The following PTP4A3 variants were observed in gnomAD, a reference collection of about 807,000 sequenced individuals.
PTP4A3 encodes the protein protein tyrosine phosphatase 4A3.
Under a neutral mutation model 15.2 loss-of-function variants are expected in PTP4A3, and 9 were observed. The observed-to-expected ratio is 0.59, with a 90% confidence interval of 0.36 to 1.03. The LOEUF (loss-of-function observed/expected upper bound fraction) is 1.03, where lower values mean the gene tolerates loss of function less well. Among genes scored for constraint, PTP4A3 ranks in the 50% least tolerant of loss-of-function variants. PTP4A3 has a pLI of 0.02. For synonymous variants in PTP4A3, 95 were observed against 102.0 expected (o/e 0.93, Z 0.41); for missense variants, 234 against 252.1 (o/e 0.93, Z 0.49).
rs1163229763 is a variant in PTP4A3 at position 141,431,885 on chromosome 8, A to C, written c.*841A>C. On this transcript the variant is annotated 3_prime_UTR_variant, in exon 6 of 6. Transcript: ENST00000521578. ...GGTTGGTCCCTGTGCTGCCCAAACCAGGTGTCCACATTTCCGGCTCCGAGG... is the reference window on the plus strand; with the variant it reads ...GGTTGGTCCCTGTGCTGCCCAAACCCGGTGTCCACATTTCCGGCTCCGAGG... 6.6e-6 allele frequency: 1 copy of C among 152,358 alleles called. No homozygotes were observed. Among genetic ancestry groups the C allele is most frequent in the Non-Finnish European group, 1.5e-5 (1 of 68,124 alleles). 9.4% of individuals were successfully genotyped at this position (152,358 alleles called of 1,614,324 possible).
chr8:141,418,597 G>T (rs893377374), intron 1 of PTP4A3, among the ~76,000 whole-genome samples: 5 of 152,254 alleles, frequency 3.3e-5, no homozygotes, highest in Admixed American at 6.5e-5. Flanking sequence ...GGCTGAGCCA[G>T]ATCTTGGGAA....
intron 3 of PTP4A3, chr8:141,426,316 C>A: frequency 1.8e-6 from 1 of 543,748 alleles, no homozygotes; most frequent in Non-Finnish European, 2.3e-6. Flanking sequence ...CGATCTAGGG[C>A]GCTGGGGGAC....
At chr8:141,393,423 C>T (rs1832350255) in intron 1 of PTP4A3, among the ~76,000 whole-genome samples, 1 of 152,226 alleles carries the variant, frequency 6.6e-6, no homozygotes, top group South Asian at 2.1e-4. Flanking sequence ...AATTCCTGGG[C>T]TGTTTCCAAA....
In PTP4A3 at chr8:141,431,098, C is replaced by A. The variant is rs775234733; in HGVS notation, c.*54C>A. The A allele has an allele frequency of 2.6e-6, 4 of 1,554,710 alleles. No homozygotes were observed. The South Asian group carries it at 4.5e-5, about 17-fold the overall frequency. On this transcript the variant is annotated 3_prime_UTR_variant, in exon 6 of 6. Transcript: ENST00000521578. ...ATGTAGGTCAGGACCTTGGCTGGACCTGGAGGCCCTGCCCAGCCCTGCTCT... is the reference window on the plus strand; with the variant it reads ...ATGTAGGTCAGGACCTTGGCTGGACATGGAGGCCCTGCCCAGCCCTGCTCT...
At chr8:141,392,553 A>G (rs2129737579) in intron 1 of PTP4A3, 1 of 152,466 alleles carries the variant, frequency 6.6e-6, no homozygotes, top group South Asian at 2.1e-4. Flanking sequence ...AGTGGAGGTC[A>G]GGGGAAAGCA....
In PTP4A3 at chr8:141,406,946, G is replaced by C. The variant is rs6988504; in HGVS notation, c.-853-14442G>C. ...GCTCAGAAATCTTTCCTGTCCTCTA[G>C]GGCCCATCTCTGATGCCACCTTCAC... On this transcript the variant is annotated intron_variant, in intron 1 of 5. Coordinates refer to ENST00000521578, the MANE Select transcript of PTP4A3 (RefSeq NM_032611.3). The surrounding 1 kb of genome is among the most constrained non-coding windows in gnomAD (Gnocchi z 4.5). Among the ~76,000 whole-genome samples the C allele has an allele frequency of 1.3e-5, 2 of 152,106 alleles. No individual in the cohort carries two copies. The highest frequency in any genetic ancestry group is 3.9e-4 in the East Asian group (2 of 5,174).
At chr8:141,398,222 G>A (rs555843567) in intron 1 of PTP4A3, among the ~76,000 whole-genome samples, 567 of 152,324 alleles carry the variant, frequency 3.7e-3, no homozygotes, top group Non-Finnish European at 6.1e-3. Flanking sequence ...ACCCTCAGAG[G>A]TGGGCATAAC....
rs370738673 is a variant in PTP4A3, at chr8:141,425,626, G to T, written c.198+486G>T. 2.6e-5 allele frequency among the ~76,000 whole-genome samples: 4 copies of T among 151,762 alleles called. No homozygotes were observed. Among genetic ancestry groups the T allele is most frequent in the South Asian group, 2.1e-4 (1 of 4,810 alleles). On this transcript the variant is annotated intron_variant, in intron 3 of 5. Transcript: ENST00000521578. This position sits in a 1 kb window ranked among gnomAD's most constrained non-coding sequence, Gnocchi z 4.2. ...GGCGGTTCTGCTGCGATATCCTTGGGGGGGTGGGCCACAGCAGCTGCAGGC... is the reference window on the plus strand; with the variant it reads ...GGCGGTTCTGCTGCGATATCCTTGGTGGGGTGGGCCACAGCAGCTGCAGGC...
Position 141,427,069 on chromosome 8 carries a change from GGTGA to G in PTP4A3, c.329+4_329+7del. 1 of 1,597,636 alleles carries G rather than the reference GGTGA, an allele frequency of 6.3e-7. No individual in the cohort carries two copies. The highest frequency in any genetic ancestry group is 1.1e-5 in the South Asian group (1 of 90,962). ...GTGCACTGCGTGGCGGGCCTGGGCCGGTGAGTGTCGGGGCGGGGTAGGGCTCGCC... is the reference window on the plus strand; with the variant it reads ...GTGCACTGCGTGGCGGGCCTGGGCCGGTGTCGGGGCGGGGTAGGGCTCGCC... On this transcript the variant is annotated splice_donor_variant and splice_donor_region_variant and intron_variant, in intron 4 of 5. Coordinates refer to ENST00000521578, the MANE Select transcript of PTP4A3 (RefSeq NM_032611.3). LOFTEE classifies it high-confidence loss of function.
At chr8:141,429,961 C>T (rs1833771298) in intron 5 of PTP4A3, among the ~76,000 whole-genome samples, 1 of 97,460 alleles carries the variant, frequency 1.0e-5, no homozygotes, top group Admixed American at 9.7e-5. Context: ...ACAGGGTGAG[C>T]GCACAGCCCA....
chr8:141,412,175 T>A (rs945793970), intron 1 of PTP4A3, among the ~76,000 whole-genome samples: 1 of 152,214 alleles, frequency 6.6e-6, no homozygotes. Flanking sequence ...CTTCCTTTTC[T>A]GTGACACAGC....
At chr8:141,416,220 T>TG (rs1388017981) in intron 1 of PTP4A3, among the ~76,000 whole-genome samples, 1 of 151,154 alleles carries the variant, frequency 6.6e-6, no homozygotes, top group Non-Finnish European at 1.5e-5. Context: ...AAACTGAGGC[T>TG]GGGGGGCAGG....
At chr8:141,423,366 G>A (rs1298654738) in intron 2 of PTP4A3, among the ~76,000 whole-genome samples, 1 of 152,228 alleles carries the variant, frequency 6.6e-6, no homozygotes, top group Non-Finnish European at 1.5e-5. Flanking sequence ...CCAGGGTGAG[G>A]CCTCAGAATA....
At chr8:141,410,624 T>C (rs1474368208) in intron 1 of PTP4A3, among the ~76,000 whole-genome samples, 4 of 152,184 alleles carry the variant, frequency 2.6e-5, no homozygotes, top group Non-Finnish European at 4.4e-5. Context: ...GGCAGGTCCA[T>C]GAAGGACAGC....
chr8:141,393,259 C>G (rs1015359493), intron 1 of PTP4A3, among the ~76,000 whole-genome samples: 1 of 152,198 alleles, frequency 6.6e-6, no homozygotes, highest in Non-Finnish European at 1.5e-5. Flanking sequence ...CTAAGCAGAG[C>G]CTTGTTGTCC....
chr8:141,406,377 G>A lies in PTP4A3; in HGVS notation c.-854+14293G>A, dbSNP rs544872221. Among the ~76,000 whole-genome samples the A allele has an allele frequency of 2.8e-4, 43 of 152,242 alleles. No homozygotes were observed. The highest frequency in any genetic ancestry group is 9.6e-4 in the African/African-American group (40 of 41,530). On this transcript the variant is annotated intron_variant, in intron 1 of 5. Coordinates refer to ENST00000521578, the MANE Select transcript of PTP4A3 (RefSeq NM_032611.3). The surrounding 1 kb of genome is among the most constrained non-coding windows in gnomAD (Gnocchi z 4.5). ...CCTGAAGCACTTCTGAGAAGCCGGG[G>A]AGCAGTTCCCTGGGGTTTCCCCTGG...
chr8:141,427,095 C>T lies in PTP4A3; in HGVS notation c.329+26C>T, dbSNP rs201460876. ...GTGAGTGTCGGGGCGGGGTAGGGCT[C>T]GCCATGTCAGGTGGTTGGGCATCTC... On this transcript the variant is annotated intron_variant, in intron 4 of 5. Coordinates refer to ENST00000521578, the MANE Select transcript of PTP4A3 (RefSeq NM_032611.3). The T allele has an allele frequency of 2.5e-5, 40 of 1,588,630 alleles. No individual in the cohort carries two copies. In the African/African-American group the frequency reaches 3.5e-4, roughly 14 times the overall value.
chr8:141,398,400 G>A (rs1416126191), intron 1 of PTP4A3, among the ~76,000 whole-genome samples: 1 of 152,162 alleles, frequency 6.6e-6, no homozygotes, highest in East Asian at 1.9e-4. Flanking sequence ...GTGGGCAGAC[G>A]GGCGTCTGGG....
At chr8:141,394,041 A>AG (rs1004549725) in intron 1 of PTP4A3, among the ~76,000 whole-genome samples, 20 of 152,242 alleles carry the variant, frequency 1.3e-4, no homozygotes, top group African/African-American at 4.6e-4. Flanking sequence ...TCAGACTGAG[A>AG]GGGGGGCATA....
Sources: allele counts gnomAD v4.1 joint callset (sites outside exome capture counted in the v4.1 genomes callset), GRCh38; gene constraint gnomAD v4.1.1; non-coding constraint Gnocchi (gnomAD v3.1); transcripts MANE v1.5; gene names NCBI Gene and HGNC (gene_info 2026-07-23, HGNC 2026-07-21).